Variants in NFKB1 observed in about 807,000 individuals in gnomAD.
NFKB1 encodes nuclear factor kappa B subunit 1.
Under a neutral mutation model 105.1 loss-of-function variants are expected in NFKB1, and 9 were observed. That is an observed-to-expected ratio of 0.09 (90% CI 0.05 to 0.15). The LOEUF (loss-of-function observed/expected upper bound fraction) is 0.15. Among genes scored for constraint, NFKB1 ranks in the 10% least tolerant of loss-of-function variants. The probability of loss-of-function intolerance (pLI) is 1.00; values close to 1 mark genes in which losing one functional copy is unlikely to be tolerated. For missense variants in NFKB1, 830 were observed against 1,203.7 expected, an observed-to-expected ratio of 0.69 and a Z score of 4.59; for synonymous variants, 440 against 442.2, an observed-to-expected ratio of 1.00 and a Z score of 0.06.
intron 5 of NFKB1, among the ~76,000 whole-genome samples, chr4:102,560,173 G>A (rs1723296152): frequency 1.3e-5 from 2 of 152,134 alleles, no homozygotes; most frequent in African/African-American, 4.8e-5. Context: ...TTTGTAATTT[G>A]CTAATGATGG....
chr4:102,579,098 C>A (rs1725108402), intron 8 of NFKB1, 59 bp downstream of exon 8: 7 of 1,542,250 alleles, frequency 4.5e-6, no homozygotes, highest in Non-Finnish European at 6.2e-6. Context: ...CCCTGCCCTG[C>A]CATTTACTTG....
intron 1 of NFKB1, among the ~76,000 whole-genome samples, chr4:102,522,303 A>G (rs929522635): frequency 6.6e-6 from 1 of 152,214 alleles, no homozygotes; most frequent in African/African-American, 2.4e-5. Context: ...TGACATCACC[A>G]TAGCGTTACT....
At chr4:102,554,108 T>C (rs1198951339) in intron 5 of NFKB1, among the ~76,000 whole-genome samples, 2 of 152,168 alleles carry the variant, frequency 1.3e-5, no homozygotes, top group African/African-American at 4.8e-5. Context: ...ATTTTAGAGC[T>C]GGAAAATGAG....
At chr4:102,561,613 G>A (rs1469385567) in intron 5 of NFKB1, among the ~76,000 whole-genome samples, 1 of 152,136 alleles carries the variant, frequency 6.6e-6, no homozygotes, top group Non-Finnish European at 1.5e-5. Flanking sequence ...ATAGTTTGTT[G>A]AGGTGGACAG....
intron 19 of NFKB1, among the ~76,000 whole-genome samples, chr4:102,609,298 C>T (rs752792282): frequency 6.6e-6 from 1 of 151,948 alleles, no homozygotes; most frequent in African/African-American, 2.4e-5. Flanking sequence ...AAACCAAGTC[C>T]TAATCTTAAT....
At chr4:102,547,099 G>A (rs1722197605) in intron 5 of NFKB1, among the ~76,000 whole-genome samples, 2 of 152,058 alleles carry the variant, frequency 1.3e-5, no homozygotes, top group South Asian at 4.1e-4. Flanking sequence ...TTTAAGAACT[G>A]GCAGAACAAT....
chr4:102,564,069 C>CT (rs1723655628), intron 5 of NFKB1, among the ~76,000 whole-genome samples: 1 of 152,012 alleles, frequency 6.6e-6, no homozygotes, highest in Admixed American at 6.6e-5. Context: ...ATCTACCCGT[C>CT]TCGGCCTCCC....
intron 15 of NFKB1, among the ~76,000 whole-genome samples, chr4:102,599,822 G>C (rs759833490): frequency 1.3e-5 from 2 of 152,198 alleles, no homozygotes; most frequent in Non-Finnish European, 2.9e-5. Flanking sequence ...GCATAGTCTG[G>C]TAAATCAAAG....
Position 102,524,029 on chromosome 4 carries a change from GA to G in NFKB1, c.-7-1472del, listed in dbSNP as rs571312467. The stretch of plus-strand genomic sequence containing the variant: ...CTCATGACTGCTAGATAGACTTTAT[GA>G]AAAAAAAAAAGAAAAATAACCCCAG... On this transcript the variant is annotated intron_variant, in intron 1 of 23. Transcript: ENST00000226574. 3.6e-3 allele frequency among the ~76,000 whole-genome samples: 508 copies of G among 141,272 alleles called. 1 individual carries two copies. Among genetic ancestry groups the G allele is most frequent in the Non-Finnish European group, 4.4e-3 (287 of 64,548 alleles). The allele number at this position is 141,272 out of a possible 152,430, so 92.7% of individuals were successfully genotyped here.
At position 102,573,731 on chromosome 4, in the gene NFKB1, CT is replaced by C. The variant is rs931472913; in HGVS notation, c.408-3137del. Among the ~76,000 whole-genome samples, 7 of 151,676 alleles carry C rather than the reference CT, an allele frequency of 4.6e-5. 1 individual carries two copies. Among genetic ancestry groups the C allele is most frequent in the South Asian group, 4.2e-4 (2 of 4,816 alleles). On this transcript the variant is annotated intron_variant, in intron 6 of 23. Transcript: ENST00000226574. ...ACTGATGACCTGTTTTTTAAAAAATCTTTTTTTTCTCTTTCATTTTGGAAAG... is the reference window on the plus strand; with the variant it reads ...ACTGATGACCTGTTTTTTAAAAAATCTTTTTTTCTCTTTCATTTTGGAAAG...
chr4:102,534,229 C>T (rs978247426), intron 4 of NFKB1, among the ~76,000 whole-genome samples: 2 of 152,120 alleles, frequency 1.3e-5, no homozygotes, highest in African/African-American at 4.8e-5. Context: ...TAAGGAAATA[C>T]GTATGCATAC....
intron 22 of NFKB1, among the ~76,000 whole-genome samples, chr4:102,612,894 A>G (rs1324358030): frequency 1.3e-5 from 2 of 152,150 alleles, no homozygotes; most frequent in Non-Finnish European, 2.9e-5. Flanking sequence ...CTGAGCAAAC[A>G]ATCGACTGTA....
intron 5 of NFKB1, among the ~76,000 whole-genome samples, chr4:102,564,050 C>T (rs1280057675): frequency 6.6e-6 from 1 of 151,840 alleles, no homozygotes; most frequent in Non-Finnish European, 1.5e-5. Flanking sequence ...AAACTCCTGA[C>T]CTCAGGTGAT....
At chr4:102,549,183 G>A (rs1011282283) in intron 5 of NFKB1, among the ~76,000 whole-genome samples, 1 of 151,800 alleles carries the variant, frequency 6.6e-6, no homozygotes, top group Non-Finnish European at 1.5e-5. Flanking sequence ...GTCATTTATC[G>A]AGTTCTTACT....
chr4:102,511,056 C>T lies in NFKB1; in HGVS notation c.-8+9268C>T, dbSNP rs911813477. On this transcript the variant is annotated intron_variant, in intron 1 of 23. Coordinates refer to ENST00000226574, the MANE Select transcript of NFKB1 (RefSeq NM_003998.4). Reference sequence around the variant, plus strand: ...GCATTGCTTGTTTATAGAAGCTCTTCCATCTTCGTATAGTGTGATTTTTAT... The same window carrying T: ...GCATTGCTTGTTTATAGAAGCTCTTTCATCTTCGTATAGTGTGATTTTTAT... 10 of 705,880 alleles carry T rather than the reference C, an allele frequency of 1.4e-5. 2 individuals are homozygous for T. In the Admixed American group the frequency reaches 3.2e-4, roughly 22 times the overall value. The allele number at this position is 705,880 out of a possible 1,614,324, so 43.7% of individuals were successfully genotyped here.
chr4:102,512,098 A>G (rs1256716380), intron 1 of NFKB1, among the ~76,000 whole-genome samples: 1 of 152,234 alleles, frequency 6.6e-6, no homozygotes, highest in Non-Finnish European at 1.5e-5. Context: ...ATTCCTCACT[A>G]AACAAAATAC....
At chr4:102,609,485 A>C (rs28557116) in intron 19 of NFKB1, among the ~76,000 whole-genome samples, 8,671 of 151,854 alleles carry the variant, frequency 0.057, 280 homozygotes, top group African/African-American at 0.089. Context: ...GGTGGCATGC[A>C]TCTGTAATCC....
chr4:102,502,519 A>G (rs1231479344), intron 1 of NFKB1, among the ~76,000 whole-genome samples: 1 of 152,092 alleles, frequency 6.6e-6, no homozygotes, highest in Non-Finnish European at 1.5e-5. Flanking sequence ...TACTTAGAGC[A>G]CTTTTTAGAC....
chr4:102,563,838 T>TC (rs1187076395), intron 5 of NFKB1, among the ~76,000 whole-genome samples: 1 of 150,774 alleles, frequency 6.6e-6, no homozygotes, highest in Non-Finnish European at 1.5e-5. Context: ...TTTTTTTTTT[T>TC]TAAACGGAGT....
Sources: allele counts gnomAD v4.1 joint callset (sites outside exome capture counted in the v4.1 genomes callset), GRCh38; gene constraint gnomAD v4.1.1; transcripts MANE v1.5; gene names NCBI Gene and HGNC (gene_info 2026-07-23, HGNC 2026-07-21).